The following RET variants were observed in gnomAD, a reference collection of about 807,000 sequenced individuals.
RET encodes proto-oncogene tyrosine-protein kinase receptor Ret.
In RET, 19 loss-of-function variants were observed where a neutral mutation model predicts 118.3. That is an observed-to-expected ratio of 0.16 (90% CI 0.11 to 0.24). RET has a LOEUF of 0.24. Ranked by LOEUF, RET falls within the 10% of genes least tolerant of loss-of-function variation. The pLI, the probability that RET is intolerant of heterozygous loss-of-function variation, is 1.00. For missense variants in RET, 1,219 were observed against 1,502.1 expected (o/e 0.81, Z 3.12); for synonymous variants, 597 against 644.1 (o/e 0.93, Z 1.11).
intron 1 of RET, among the ~76,000 whole-genome samples, chr10:43,098,595 T>G (rs1837571758): frequency 6.6e-6 from 1 of 152,168 alleles, no homozygotes; most frequent in African/African-American, 2.4e-5. Context: ...CTAATTTTTG[T>G]ATTTTTAGTA....
intron 11 of RET, 25 bp from the exon 12 acceptor site, chr10:43,116,556 TCTC>T (rs747669597): frequency 3.8e-6 from 6 of 1,599,212 alleles, no homozygotes; most frequent in Non-Finnish European, 5.1e-6. Context: ...TCCCCCCTCT[TCTC>T]CCCCTTCCCT....
At chr10:43,119,986 G>C (rs1838172957) in intron 14 of RET, 95 bp from the exon 15 acceptor site, 1 of 1,568,882 alleles carries the variant, frequency 6.4e-7, no homozygotes, top group South Asian at 1.2e-5. Context: ...CGCTACCCGG[G>C]CCACACACCA....
intron 3 of RET, 102 bp from the exon 4 acceptor site, chr10:43,104,850 G>C: frequency 6.7e-7 from 1 of 1,496,192 alleles, no homozygotes; most frequent in Non-Finnish European, 8.9e-7. Flanking sequence ...GGGCCGCGGC[G>C]GTGTGCGCCC....
intron 6 of RET, among the ~76,000 whole-genome samples, chr10:43,109,646 C>G (rs1322895536): frequency 6.6e-6 from 1 of 152,204 alleles, no homozygotes; most frequent in African/African-American, 2.4e-5. Context: ...GCAGAGATCA[C>G]AGTGCTGTCC....
At chr10:43,077,653 G>A (rs1404662855) in intron 1 of RET, among the ~76,000 whole-genome samples, 1 of 152,178 alleles carries the variant, frequency 6.6e-6, no homozygotes, top group Non-Finnish European at 1.5e-5. Flanking sequence ...CCAAAGCCGC[G>A]TCCTGGAGCA....
chr10:43,093,781 C>T (rs914024151), intron 1 of RET, among the ~76,000 whole-genome samples: 1 of 152,132 alleles, frequency 6.6e-6, no homozygotes, highest in African/African-American at 2.4e-5. Flanking sequence ...GGAGCCAGAC[C>T]TTATGTAGAG....
rs1432875957 is a variant in RET, at chr10:43,106,155, C to T, written c.868-221C>T. On this transcript the variant is annotated intron_variant, in intron 4 of 19. Coordinates refer to ENST00000355710, the MANE Select transcript of RET (RefSeq NM_020975.6). The surrounding 1 kb of genome is among the most constrained non-coding windows in gnomAD (Gnocchi z 5.1). ...AGAGGTCTGCATTGTACCTGTTACA[C>T]AGGCGAGGCTCAGTGGCTCAGGGAA... is the stretch of plus-strand genomic sequence containing the variant. Among the ~76,000 whole-genome samples the T allele has an allele frequency of 6.6e-6, 1 of 152,214 alleles. No homozygotes were observed. Among genetic ancestry groups the T allele is most frequent in the Non-Finnish European group, 1.5e-5 (1 of 68,032 alleles).
chr10:43,096,743 T>A (rs1837530115), intron 1 of RET, among the ~76,000 whole-genome samples: 1 of 152,204 alleles, frequency 6.6e-6, no homozygotes, highest in South Asian at 2.1e-4. Flanking sequence ...CTGCATCATT[T>A]GTGGGCCCCT....
At position 43,077,143 on chromosome 10, in the gene RET, G is replaced by A; in HGVS notation, c.-116G>A. The A allele has an allele frequency of 3.1e-6, 4 of 1,289,762 alleles. No homozygotes were observed. The highest frequency in any genetic ancestry group is 3.9e-6 in the Non-Finnish European group (4 of 1,016,732). 79.9% of individuals were successfully genotyped at this position (1,289,762 alleles called of 1,614,324 possible). ...GTGCGTCGCGCCCCCAGTGTCCGTCGCGTCCGCCGCGCCCCGGGCGGGGAT... is the reference window on the plus strand; with the variant it reads ...GTGCGTCGCGCCCCCAGTGTCCGTCACGTCCGCCGCGCCCCGGGCGGGGAT... On this transcript the variant is annotated 5_prime_UTR_variant, in exon 1 of 20. Coordinates refer to ENST00000355710, the MANE Select transcript of RET (RefSeq NM_020975.6).
chr10:43,080,543 C>G (rs1837157144), intron 1 of RET, among the ~76,000 whole-genome samples: 1 of 152,238 alleles, frequency 6.6e-6, no homozygotes, highest in Non-Finnish European at 1.5e-5. Context: ...TTGCTCCAGC[C>G]CGTTCTCTGG....
intron 1 of RET, among the ~76,000 whole-genome samples, chr10:43,078,326 C>A (rs1837097578): frequency 6.6e-6 from 1 of 152,230 alleles, no homozygotes; most frequent in African/African-American, 2.4e-5. Context: ...TTACAAAGGG[C>A]TTTCTCTCCC....
At chr10:43,090,298 C>T (rs1405072916) in intron 1 of RET, among the ~76,000 whole-genome samples, 2 of 152,216 alleles carry the variant, frequency 1.3e-5, no homozygotes, top group Admixed American at 6.5e-5. Context: ...GGACGCCAGG[C>T]AGGGTGCACT....
intron 1 of RET, among the ~76,000 whole-genome samples, chr10:43,090,857 T>C (rs1837396508): frequency 6.7e-6 from 1 of 149,182 alleles, no homozygotes; most frequent in Non-Finnish European, 1.5e-5. Context: ...TTGTGAGCCC[T>C]CACACCTGCC....
rs1554818698 is a variant in RET, at chr10:43,112,881, T to C, written c.1677T>C (p.Ser559=). 8 of 1,613,944 alleles carry C rather than the reference T, an allele frequency of 5.0e-6. No homozygotes were observed. The highest frequency in any genetic ancestry group is 4.4e-5 in the South Asian group (4 of 91,086). Residue 559 remains serine (S), a synonymous_variant, in exon 9 of 20, where the codon TCT becomes TCC. Coordinates refer to ENST00000355710, the MANE Select transcript of RET (RefSeq NM_020975.6). ...KGITRNFSTC[S]PSTKTCPDGH... is the part of the protein sequence containing the mutation. ...TCACCAGGAACTTCTCCACCTGCTCTCCCAGCACCAAGACCTGCCCCGACG... is the reference window on the plus strand; with the variant it reads ...TCACCAGGAACTTCTCCACCTGCTCCCCCAGCACCAAGACCTGCCCCGACG...
intron 1 of RET, among the ~76,000 whole-genome samples, chr10:43,078,963 C>G (rs1471033115): frequency 6.6e-6 from 1 of 152,204 alleles, no homozygotes; most frequent in Non-Finnish European, 1.5e-5. Context: ...TTTGAAGAGG[C>G]TGCAGAGCTC....
intron 1 of RET, among the ~76,000 whole-genome samples, chr10:43,086,566 G>C (rs1366333773): frequency 6.6e-6 from 1 of 152,230 alleles, no homozygotes; most frequent in Non-Finnish European, 1.5e-5. Context: ...AGCTGGGGCA[G>C]ACTCTACAGC....
At chr10:43,091,757 A>AT (rs1837415789) in intron 1 of RET, among the ~76,000 whole-genome samples, 1 of 151,578 alleles carries the variant, frequency 6.6e-6, no homozygotes, top group Admixed American at 6.6e-5. Flanking sequence ...ATTGCCACTC[A>AT]TTAGAGAAAT....
Position 43,128,481 on chromosome 10 carries a change from G to A in RET, c.*212G>A, listed in dbSNP as rs1260040151. The A allele has an allele frequency of 1.6e-6, 1 of 631,150 alleles. No individual in the cohort carries two copies. The highest frequency in any genetic ancestry group is 1.8e-5 in the African/African-American group (1 of 55,142). The allele number at this position is 631,150 out of a possible 1,614,324, so 39.1% of individuals were successfully genotyped here. A position where few individuals can be genotyped will look rare whatever the true frequency, so the allele number is the denominator to read the frequency against. ...CCTCCTAGCAGACATGCCACACCGG[G>A]TAAGAGCTCTGAGTCTTAGTGGTTA... On this transcript the variant is annotated 3_prime_UTR_variant, in exon 20 of 20. Transcript: ENST00000355710.
intron 1 of RET, among the ~76,000 whole-genome samples, chr10:43,080,379 C>T (rs906449233): frequency 1.3e-5 from 2 of 152,248 alleles, no homozygotes; most frequent in African/African-American, 4.8e-5. Context: ...CAGTGCACTG[C>T]CCCTGTGCTG....
Sources: gnomAD v4.1 joint callset for allele counts (sites outside exome capture counted in the v4.1 genomes callset) on GRCh38, gnomAD v4.1.1 for gene constraint, Gnocchi (gnomAD v3.1) non-coding constraint, MANE v1.5 for transcripts, NCBI Gene and HGNC (gene_info 2026-07-23, HGNC 2026-07-21) for gene names.